Variants in PTPN4 observed in about 807,000 individuals in gnomAD.
PTPN4 encodes protein tyrosine phosphatase non-receptor type 4.
A neutral mutation model predicts 135.5 loss-of-function variants in PTPN4; 49 were observed. That is an observed-to-expected ratio of 0.36 (90% CI 0.29 to 0.46). PTPN4 has a LOEUF of 0.46. Ranked by LOEUF, PTPN4 falls within the 20% of genes least tolerant of loss-of-function variation. PTPN4 has a pLI of 1.00. For synonymous variants in PTPN4, 333 were observed against 369.9 expected (o/e 0.90, Z 1.14); for missense variants, 860 against 1,101.0 (o/e 0.78, Z 3.10).
At chr2:119,956,560 C>T (rs2105055644) in intron 20 of PTPN4, among the ~76,000 whole-genome samples, 1 of 152,298 alleles carries the variant, frequency 6.6e-6, no homozygotes, top group Middle Eastern at 3.4e-3. Flanking sequence ...ATGTTTTCTG[C>T]AGATTTGCTA....
chr2:119,771,181 G>A (rs1160805148), intron 1 of PTPN4, among the ~76,000 whole-genome samples: 2 of 152,206 alleles, frequency 1.3e-5, no homozygotes, highest in African/African-American at 2.4e-5. Context: ...GAGGACACAT[G>A]AAAGTGATGC....
chr2:119,953,088 A>C (rs1431496090), intron 19 of PTPN4, among the ~76,000 whole-genome samples: 1 of 152,188 alleles, frequency 6.6e-6, no homozygotes, highest in African/African-American at 2.4e-5. Context: ...CAGTGTTCAT[A>C]TGGCATTGTT....
intron 1 of PTPN4, among the ~76,000 whole-genome samples, chr2:119,799,078 C>T (rs1164622597): frequency 6.6e-6 from 1 of 152,206 alleles, no homozygotes; most frequent in Non-Finnish European, 1.5e-5. Context: ...AATCATCTTT[C>T]ATAGTTGTTA....
intron 20 of PTPN4, 35 bp from the exon 21 acceptor site, chr2:119,956,809 T>G (rs1442901122): frequency 6.3e-7 from 1 of 1,579,468 alleles, no homozygotes; most frequent in South Asian, 1.2e-5. Context: ...GTTTATGGCT[T>G]TTGTTGGAAT....
intron 2 of PTPN4, among the ~76,000 whole-genome samples, chr2:119,847,185 A>G (rs1346475036): frequency 2.7e-5 from 4 of 147,134 alleles, no homozygotes; most frequent in African/African-American, 1.0e-4. Flanking sequence ...TACATATAAA[A>G]AAATATATAG....
intron 15 of PTPN4, among the ~76,000 whole-genome samples, chr2:119,938,688 G>A (rs942137659): frequency 2.0e-5 from 3 of 152,100 alleles, no homozygotes; most frequent in African/African-American, 7.2e-5. Flanking sequence ...ACCAAAAAAA[G>A]GGATTTAAAA....
chr2:119,969,170 T>C (rs986658176), intron 26 of PTPN4, among the ~76,000 whole-genome samples: 2 of 151,736 alleles, frequency 1.3e-5, no homozygotes, highest in African/African-American at 4.8e-5. Context: ...AGCCACCACA[T>C]TGGGCTAATT....
intron 1 of PTPN4, among the ~76,000 whole-genome samples, chr2:119,760,768 C>T (rs1451329836): frequency 1.1e-5 from 1 of 93,084 alleles, no homozygotes; most frequent in Non-Finnish European, 1.9e-5. Context: ...CTCATATGAG[C>T]GCTTCTTGCA....
intron 9 of PTPN4, among the ~76,000 whole-genome samples, chr2:119,897,626 A>G (rs1023176794): frequency 1.3e-5 from 2 of 152,188 alleles, no homozygotes; most frequent in African/African-American, 4.8e-5. Flanking sequence ...GAAAATTTTT[A>G]ACTTTATCTC....
At position 119,926,528 on chromosome 2, in the gene PTPN4, T is replaced by C; in HGVS notation, c.1002-70T>C. On this transcript the variant is annotated intron_variant, in intron 12 of 26. Coordinates refer to ENST00000263708, the MANE Select transcript of PTPN4 (RefSeq NM_002830.4). The stretch of plus-strand genomic sequence containing the variant: ...CTCTTAGGAAGTTACACTATAATCA[T>C]GTTATGTGTTGTCATTTTATCTTAT... 2.9e-6 allele frequency: 3 copies of C among 1,051,470 alleles called. 1 individual carries two copies. The highest frequency in any genetic ancestry group is 3.4e-5 in the South Asian group (2 of 57,992). 65.1% of individuals were successfully genotyped at this position (1,051,470 alleles called of 1,614,324 possible). A position where few individuals can be genotyped will look rare whatever the true frequency, so the allele number is the denominator to read the frequency against.
intron 1 of PTPN4, among the ~76,000 whole-genome samples, chr2:119,797,979 G>T (rs1010737490): frequency 6.6e-6 from 1 of 151,482 alleles, no homozygotes; most frequent in African/African-American, 2.4e-5. Flanking sequence ...CATATTTTTT[G>T]AACATAAAAA....
chr2:119,812,835 T>C (rs548184675), intron 2 of PTPN4, among the ~76,000 whole-genome samples: 1 of 152,350 alleles, frequency 6.6e-6, no homozygotes, highest in East Asian at 1.9e-4. Context: ...ACTACATGGA[T>C]TGATGTCTTC....
intron 1 of PTPN4, among the ~76,000 whole-genome samples, chr2:119,768,028 C>T (rs868758473): frequency 9.8e-5 from 15 of 152,304 alleles, no homozygotes; most frequent in Admixed American, 2.0e-4. Flanking sequence ...AAAGTTGTCA[C>T]CTACATTTAT....
intron 1 of PTPN4, among the ~76,000 whole-genome samples, chr2:119,784,025 C>G (rs1033379281): frequency 3.3e-5 from 5 of 152,012 alleles, no homozygotes; most frequent in African/African-American, 1.2e-4. Context: ...GAGCAGAGCA[C>G]TTATGTATGG....
intron 1 of PTPN4, among the ~76,000 whole-genome samples, chr2:119,763,454 G>A (rs1690545835): frequency 6.6e-6 from 1 of 152,108 alleles, no homozygotes; most frequent in South Asian, 2.1e-4. Context: ...GGCTTTTCAT[G>A]TTGTCCCACT....
At chr2:119,952,900 A>G (rs1386561471) in intron 19 of PTPN4, among the ~76,000 whole-genome samples, 3 of 152,208 alleles carry the variant, frequency 2.0e-5, no homozygotes, top group South Asian at 2.1e-4. Flanking sequence ...CCATCTTTGG[A>G]TAGCTCAAAC....
chr2:119,838,494 G>C (rs1677329638), intron 2 of PTPN4, among the ~76,000 whole-genome samples: 1 of 152,196 alleles, frequency 6.6e-6, no homozygotes. Flanking sequence ...CTGCTGCTTT[G>C]TCTTTCCTGC....
chr2:119,831,094 T>G (rs1385968450), intron 2 of PTPN4, among the ~76,000 whole-genome samples: 1 of 152,122 alleles, frequency 6.6e-6, no homozygotes, highest in Non-Finnish European at 1.5e-5. Flanking sequence ...GATGAAACAG[T>G]TCTACCTGAG....
intron 19 of PTPN4, 111 bp from the exon 20 acceptor site, chr2:119,955,046 A>G (rs1202666208): frequency 1.7e-5 from 18 of 1,039,680 alleles, no homozygotes; most frequent in Non-Finnish European, 2.4e-5. Context: ...AATTCTTCAC[A>G]AATGAATTAT....
Sources: gnomAD v4.1 joint callset for allele counts (sites outside exome capture counted in the v4.1 genomes callset) on GRCh38, gnomAD v4.1.1 for gene constraint, MANE v1.5 for transcripts, NCBI Gene and HGNC (gene_info 2026-07-23, HGNC 2026-07-21) for gene names.